Variants in FHIT observed in about 807,000 individuals in gnomAD.
FHIT encodes the protein bis(5'-adenosyl)-triphosphatase.
Under a neutral mutation model 17.9 loss-of-function variants are expected in FHIT, and 19 were observed. That is an observed-to-expected ratio of 1.06 (90% CI 0.74 to 1.56). FHIT has a LOEUF of 1.56. Among genes scored for constraint, FHIT ranks in the 40% most tolerant of loss-of-function variants. FHIT has a pLI of 0.00. For missense variants in FHIT, 248 were observed against 189.2 expected (o/e 1.31, Z -1.82); for synonymous variants, 81 against 69.7 (o/e 1.16, Z -0.81).
At chr3:60,751,627 G>A (rs1205178005) in intron 4 of FHIT, among the ~76,000 whole-genome samples, 1 of 152,208 alleles carries the variant, frequency 6.6e-6, no homozygotes, top group Non-Finnish European at 1.5e-5. Context: ...ACTACCCACT[G>A]TTGGTGAGAT....
intron 8 of FHIT, among the ~76,000 whole-genome samples, chr3:59,774,682 A>G (rs767198080): frequency 6.6e-6 from 1 of 152,170 alleles, no homozygotes; most frequent in Non-Finnish European, 1.5e-5. Context: ...CTCCCCATCA[A>G]ATTAAAGACC....
chr3:60,396,345 G>A (rs1346481882), intron 5 of FHIT, among the ~76,000 whole-genome samples: 1 of 152,164 alleles, frequency 6.6e-6, no homozygotes, highest in African/African-American at 2.4e-5. Flanking sequence ...AGGGGAAGGA[G>A]TAAATCCCCT....
intron 5 of FHIT, among the ~76,000 whole-genome samples, chr3:60,023,564 T>C (rs1321014237): frequency 6.6e-6 from 1 of 152,166 alleles, no homozygotes; most frequent in Non-Finnish European, 1.5e-5. Flanking sequence ...TCCATATAGC[T>C]GGCCAAGCCA....
chr3:60,844,097 A>G (rs1425118406), intron 3 of FHIT, among the ~76,000 whole-genome samples: 1 of 152,184 alleles, frequency 6.6e-6, no homozygotes, highest in Non-Finnish European at 1.5e-5. Flanking sequence ...ACTCTCTCCA[A>G]GGAAATACAG....
At chr3:60,730,771 T>C (rs2107986255) in intron 4 of FHIT, 1 of 152,382 alleles carries the variant, frequency 6.6e-6, no homozygotes, top group South Asian at 2.1e-4. Context: ...CTCAAATGCC[T>C]TTTGTGCTGG....
At chr3:61,113,649 C>T (rs1228023241) in intron 2 of FHIT, among the ~76,000 whole-genome samples, 1 of 152,166 alleles carries the variant, frequency 6.6e-6, no homozygotes, top group Non-Finnish European at 1.5e-5. Flanking sequence ...ACCACAAACT[C>T]ATTTGTTTAT....
intron 5 of FHIT, among the ~76,000 whole-genome samples, chr3:60,467,673 G>T (rs1355310948): frequency 6.6e-6 from 1 of 151,922 alleles, no homozygotes; most frequent in African/African-American, 2.4e-5. Flanking sequence ...TTCCATGGTG[G>T]TCAGAGAAGA....
In FHIT at chr3:60,325,391, A is replaced by G. The variant is rs376038321; in HGVS notation, c.103+211469T>C. ...AGTATTAGAGTTTGAAATGTTTAAA[A>G]GTTTCTTTACACATCTGTCAGCATA... On this transcript the variant is annotated intron_variant, in intron 5 of 9. Coordinates refer to ENST00000492590, the MANE Select transcript of FHIT (RefSeq NM_002012.4). Among the ~76,000 whole-genome samples, 4 of 152,310 alleles carry G rather than the reference A, an allele frequency of 2.6e-5. No homozygotes were observed. The East Asian group carries it at 7.7e-4, about 29-fold the overall frequency.
chr3:60,638,421 G>C (rs1038250175), intron 4 of FHIT, among the ~76,000 whole-genome samples: 7 of 152,172 alleles, frequency 4.6e-5, no homozygotes, highest in African/African-American at 1.7e-4. Context: ...GACAACATGT[G>C]AATCTAGGAT....
intron 4 of FHIT, among the ~76,000 whole-genome samples, chr3:60,570,115 G>A (rs142871619): frequency 6.6e-5 from 10 of 152,164 alleles, no homozygotes; most frequent in African/African-American, 1.9e-4. Flanking sequence ...AGTAGTTTGC[G>A]AAGCTCCCCA....
At chr3:60,569,755 A>ATATATATATATATATATATATATTT in intron 4 of FHIT, among the ~76,000 whole-genome samples, 4 of 77,326 alleles carry the variant, frequency 5.2e-5, no homozygotes, top group African/African-American at 1.9e-4. Context: ...ATATATATAT[A>ATATATATATATATATATATATATTT]TTTTTTTTTT....
In FHIT at chr3:60,961,260, G is replaced by A. The variant is rs535142148; in HGVS notation, c.-111+80787C>T. Among the ~76,000 whole-genome samples the A allele has an allele frequency of 9.6e-4, 145 of 150,518 alleles. 1 individual carries two copies. Among genetic ancestry groups the A allele is most frequent in the African/African-American group, 2.2e-3 (89 of 41,360 alleles). On this transcript the variant is annotated intron_variant, in intron 3 of 9. Coordinates refer to ENST00000492590, the MANE Select transcript of FHIT (RefSeq NM_002012.4). ...TGAGAAGTGTCTGTTCATATCCTTCGTTCACTTTTTGATGGGGTTGTTTGT... is the reference window on the plus strand; with the variant it reads ...TGAGAAGTGTCTGTTCATATCCTTCATTCACTTTTTGATGGGGTTGTTTGT...
intron 4 of FHIT, among the ~76,000 whole-genome samples, chr3:60,568,132 A>G (rs2107656141): frequency 6.6e-6 from 1 of 152,346 alleles, no homozygotes; most frequent in East Asian, 1.9e-4. Flanking sequence ...ATTATAAATC[A>G]TGCTGCTATA....
At chr3:60,890,324 C>T (rs1228333257) in intron 3 of FHIT, among the ~76,000 whole-genome samples, 3 of 151,002 alleles carry the variant, frequency 2.0e-5, no homozygotes, top group South Asian at 4.2e-4. Context: ...TGCACAGATA[C>T]GAGTGAATCC....
chr3:60,702,416 T>C (rs536265148), intron 4 of FHIT, among the ~76,000 whole-genome samples: 1 of 152,114 alleles, frequency 6.6e-6, no homozygotes, highest in Non-Finnish European at 1.5e-5. Context: ...AATATGAGTA[T>C]GACTCTTTTG....
chr3:60,873,295 C>T (rs1481691319), intron 3 of FHIT, among the ~76,000 whole-genome samples: 2 of 152,148 alleles, frequency 1.3e-5, no homozygotes, highest in Non-Finnish European at 2.9e-5. Flanking sequence ...CTATTGAGTG[C>T]TTTTTCTGAT....
chr3:60,513,894 A>G (rs922807937), intron 5 of FHIT, among the ~76,000 whole-genome samples: 7 of 152,286 alleles, frequency 4.6e-5, no homozygotes, highest in African/African-American at 1.7e-4. Context: ...TGAGCAGAAG[A>G]GCAGCAGAGC....
chr3:61,214,176 T>C (rs1031658018), intron 1 of FHIT, among the ~76,000 whole-genome samples: 15 of 151,816 alleles, frequency 9.9e-5, no homozygotes, highest in African/African-American at 3.6e-4. Flanking sequence ...CTGAAGGAAA[T>C]AGAGACACAA....
At chr3:60,266,649 G>A (rs1228715002) in intron 5 of FHIT, among the ~76,000 whole-genome samples, 1 of 152,056 alleles carries the variant, frequency 6.6e-6, no homozygotes, top group Non-Finnish European at 1.5e-5. Flanking sequence ...CTGATAGCCA[G>A]GAGATTGCGA....
Sources: gnomAD v4.1 joint callset for allele counts (sites outside exome capture counted in the v4.1 genomes callset) on GRCh38, gnomAD v4.1.1 for gene constraint, MANE v1.5 for transcripts, NCBI Gene and HGNC (gene_info 2026-07-23, HGNC 2026-07-21) for gene names.